MAGI2: variants seen among roughly 807,000 people sequenced by gnomAD.
MAGI2 encodes the protein membrane associated guanylate kinase, WW and PDZ domain containing 2.
In MAGI2, 35 loss-of-function variants were observed where a neutral mutation model predicts 133.3. The observed-to-expected ratio is 0.26, with a 90% CI of 0.20 to 0.35. MAGI2 has a LOEUF of 0.35. Among genes scored for constraint, MAGI2 ranks in the 10% least tolerant of loss-of-function variants. MAGI2 has a pLI of 1.00. For synonymous variants in MAGI2, 729 were observed against 710.6 expected (o/e 1.03, Z -0.41); for missense variants, 1,636 against 1,863.4 (o/e 0.88, Z 2.25).
intron 2 of MAGI2, among the ~76,000 whole-genome samples, chr7:78,698,639 G>C (rs1331696095): frequency 6.6e-6 from 1 of 152,172 alleles, no homozygotes; most frequent in Non-Finnish European, 1.5e-5. Flanking sequence ...ACCCCAAACT[G>C]GGTAATTTAC....
intron 1 of MAGI2, among the ~76,000 whole-genome samples, chr7:79,275,891 T>G (rs548590696): frequency 6.6e-6 from 1 of 152,292 alleles, no homozygotes; most frequent in East Asian, 1.9e-4. Flanking sequence ...CTAAATATTT[T>G]AAGCCCAATG....
At chr7:78,679,006 G>A (rs1353774765) in intron 2 of MAGI2, among the ~76,000 whole-genome samples, 1 of 152,062 alleles carries the variant, frequency 6.6e-6, no homozygotes, top group Non-Finnish European at 1.5e-5. Flanking sequence ...AACTTTCTAA[G>A]TAATTTCTAT....
intron 2 of MAGI2, among the ~76,000 whole-genome samples, chr7:78,794,989 C>A (rs189669501): frequency 1.3e-5 from 2 of 152,252 alleles, no homozygotes; most frequent in Non-Finnish European, 2.9e-5. Flanking sequence ...CACAGAGCAG[C>A]TGAGATTACA....
intron 2 of MAGI2, among the ~76,000 whole-genome samples, chr7:78,658,332 TAACTC>T (rs1812532199): frequency 6.6e-6 from 1 of 152,194 alleles, no homozygotes; most frequent in Non-Finnish European, 1.5e-5. Context: ...TTACAAAAAT[TAACTC>T]AAATGGATTA....
intron 2 of MAGI2, among the ~76,000 whole-genome samples, chr7:78,765,519 T>A (rs1448120503): frequency 6.6e-6 from 1 of 151,828 alleles, no homozygotes; most frequent in African/African-American, 2.4e-5. Flanking sequence ...CGGCTAATTT[T>A]TGTACTTTTA....
chr7:78,702,350 G>A (rs1818166009), intron 2 of MAGI2, among the ~76,000 whole-genome samples: 1 of 151,896 alleles, frequency 6.6e-6, no homozygotes, highest in Non-Finnish European at 1.5e-5. Flanking sequence ...ACTTCTAAGA[G>A]CTGTAATGTA....
chr7:78,991,378 A>C (rs562630743), intron 2 of MAGI2, among the ~76,000 whole-genome samples: 1 of 152,054 alleles, frequency 6.6e-6, no homozygotes, highest in East Asian at 1.9e-4. Flanking sequence ...AGACATAAAT[A>C]TATAGTTGTC....
At chr7:79,188,308 G>T (rs1827343885) in intron 1 of MAGI2, among the ~76,000 whole-genome samples, 1 of 151,562 alleles carries the variant, frequency 6.6e-6, no homozygotes, top group South Asian at 2.1e-4. Context: ...CCCTAGTGTT[G>T]TTGCTCTTTA....
At chr7:78,230,463 C>A (rs905457764) in intron 10 of MAGI2, among the ~76,000 whole-genome samples, 2 of 152,072 alleles carry the variant, frequency 1.3e-5, no homozygotes, top group African/African-American at 2.4e-5. Flanking sequence ...GTTGCTAGTA[C>A]TTTTTAGTGA....
chr7:78,620,967 T>C (rs550786424), intron 3 of MAGI2, among the ~76,000 whole-genome samples: 1 of 152,074 alleles, frequency 6.6e-6, no homozygotes, highest in East Asian at 1.9e-4. Flanking sequence ...GTTTAGTTAA[T>C]GATGACATTC....
At chr7:78,087,019 C>T (rs1165932174) in intron 20 of MAGI2, among the ~76,000 whole-genome samples, 1 of 152,146 alleles carries the variant, frequency 6.6e-6, no homozygotes, top group Non-Finnish European at 1.5e-5. Context: ...TCTGAGTCCT[C>T]CTTCTCCCCA....
At chr7:78,448,272 T>C (rs999172347) in intron 6 of MAGI2, among the ~76,000 whole-genome samples, 1 of 152,050 alleles carries the variant, frequency 6.6e-6, no homozygotes, top group African/African-American at 2.4e-5. Context: ...GCTGATTTCG[T>C]TTCCTTTGAG....
At chr7:78,299,353 G>T (rs772274850) in intron 9 of MAGI2, among the ~76,000 whole-genome samples, 1 of 152,102 alleles carries the variant, frequency 6.6e-6, no homozygotes, top group East Asian at 1.9e-4. Flanking sequence ...CTAGCAGGAA[G>T]GGTATGGCTA....
At chr7:78,630,288 C>T (rs916736676) in intron 2 of MAGI2, among the ~76,000 whole-genome samples, 1 of 152,076 alleles carries the variant, frequency 6.6e-6, no homozygotes, top group South Asian at 2.1e-4. Context: ...ATACCACTTC[C>T]TGCTTTTCTT....
At chr7:78,430,300 A>G (rs1182252694) in intron 6 of MAGI2, among the ~76,000 whole-genome samples, 1 of 142,432 alleles carries the variant, frequency 7.0e-6, no homozygotes, top group Non-Finnish European at 1.5e-5. Flanking sequence ...GAGAAGAAAT[A>G]CTTAGGAATT....
intron 1 of MAGI2, among the ~76,000 whole-genome samples, chr7:79,363,711 A>G (rs996570089): frequency 4.8e-5 from 7 of 146,548 alleles, no homozygotes; most frequent in Admixed American, 2.0e-4. Context: ...AAAAAAAAAC[A>G]GAATTGCATC....
chr7:78,244,369 A>C (rs1169074710), intron 10 of MAGI2, among the ~76,000 whole-genome samples: 2 of 151,994 alleles, frequency 1.3e-5, no homozygotes, highest in Non-Finnish European at 2.9e-5. Flanking sequence ...AAACTCTAAA[A>C]AAAATTAATT....
In MAGI2 at chr7:79,223,629, A is replaced by G. The variant is rs539444267; in HGVS notation, c.302-216423T>C. Among the ~76,000 whole-genome samples the G allele has an allele frequency of 4.8e-4, 73 of 152,112 alleles. 1 individual carries two copies. The highest frequency in any genetic ancestry group is 1.6e-3 in the African/African-American group (68 of 41,392). On this transcript the variant is annotated intron_variant, in intron 1 of 21. Transcript: ENST00000354212. ...AATCGCCTGAGCCCAGGAGTTTGCA[A>G]GCAGCCTGAGCAACATAGTGAGACC...
intron 2 of MAGI2, among the ~76,000 whole-genome samples, chr7:78,630,741 T>C (rs968323265): frequency 6.6e-6 from 1 of 152,184 alleles, no homozygotes; most frequent in Admixed American, 6.5e-5. Context: ...TTACTCTATA[T>C]GTAATATGTT....
Sources: gnomAD v4.1 joint callset for allele counts (sites outside exome capture counted in the v4.1 genomes callset) on GRCh38, gnomAD v4.1.1 for gene constraint, MANE v1.5 for transcripts, NCBI Gene and HGNC (gene_info 2026-07-23, HGNC 2026-07-21) for gene names.